Variants in ARID4B observed in about 807,000 individuals in gnomAD.
The protein encoded by ARID4B is AT-rich interaction domain 4B, also known as AT-rich interactive domain-containing protein 4B.
In ARID4B, 26 loss-of-function variants were observed where a neutral mutation model predicts 147.5. That is an observed-to-expected ratio of 0.18 (90% CI 0.13 to 0.24). The LOEUF (loss-of-function observed/expected upper bound fraction) is 0.24, where lower values mean the gene tolerates loss of function less well. Among genes scored for constraint, ARID4B ranks in the 10% least tolerant of loss-of-function variants. The probability of loss-of-function intolerance (pLI) is 1.00; values close to 1 mark genes in which losing one functional copy is unlikely to be tolerated. For synonymous variants in ARID4B, 512 were observed against 507.9 expected, an observed-to-expected ratio of 1.01 and a Z score of -0.11; for missense variants, 1,179 against 1,511.5, an observed-to-expected ratio of 0.78 and a Z score of 3.65.
rs746115230 is a variant in ARID4B at position 235,224,732 on chromosome 1, T to C, written c.941A>G (p.Gln314Arg). 6.3e-7 allele frequency: 1 copy of C among 1,598,762 alleles called. No individual in the cohort carries two copies. Among genetic ancestry groups the C allele is most frequent in the South Asian group, 1.1e-5 (1 of 89,306 alleles). The change falls in exon 12 of 24, where the codon CAG becomes CGG. Residue 314 changes from glutamine to arginine, a missense_variant. By Grantham distance (43) the Gln-to-Arg change is conservative (BLOSUM62 1). Transcript: ENST00000264183. ...PFPEERENFL[Q>R]QLYKFMEDRG... ...ATCTTCCATAAATTTGTACAATTGC[T>C]GAAGAAAGTTCTCCCTTTCTTCTGG...
intron 2 of ARID4B, among the ~76,000 whole-genome samples, chr1:235,291,994 T>C (rs1672369461): frequency 6.6e-6 from 1 of 152,198 alleles, no homozygotes; most frequent in Admixed American, 6.5e-5. Context: ...AGGTAAAAGG[T>C]AGGATGAAAG....
intron 6 of ARID4B, among the ~76,000 whole-genome samples, chr1:235,250,864 A>G (rs1017196277): frequency 1.4e-4 from 21 of 152,192 alleles, no homozygotes; most frequent in African/African-American, 5.1e-4. Flanking sequence ...ATTCCAACTG[A>G]AAATTCTCCT....
At chr1:235,263,027 A>G (rs1042108902) in intron 2 of ARID4B, among the ~76,000 whole-genome samples, 2 of 152,178 alleles carry the variant, frequency 1.3e-5, no homozygotes, top group African/African-American at 4.8e-5. Flanking sequence ...TTGTGGTTCA[A>G]TTGGTACTGG....
intron 2 of ARID4B, among the ~76,000 whole-genome samples, chr1:235,324,323 A>G: frequency 6.6e-6 from 1 of 152,212 alleles, no homozygotes; most frequent in East Asian, 1.9e-4. Flanking sequence ...CATATTCCTC[A>G]AAAACATACT....
At chr1:235,238,479 T>C (rs1668767231) in intron 8 of ARID4B, among the ~76,000 whole-genome samples, 1 of 152,162 alleles carries the variant, frequency 6.6e-6, no homozygotes, top group African/African-American at 2.4e-5. Context: ...AACGTGAGAA[T>C]AGTACTTTCA....
intron 17 of ARID4B, among the ~76,000 whole-genome samples, chr1:235,198,184 T>C (rs1188730399): frequency 6.6e-6 from 1 of 152,246 alleles, no homozygotes; most frequent in Admixed American, 6.5e-5. Context: ...GTTATAATCA[T>C]GTTCTACCTT....
At position 235,208,991 on chromosome 1, in the gene ARID4B, CTG is replaced by C. The variant is rs893788819; in HGVS notation, c.1841+4776_1841+4777del. Reference sequence around the variant, plus strand: ...ATACTGTCACTGCATCAGAAAAATTCTGTAAGAGTATTATAATATTTGTGGTT... The same window carrying C: ...ATACTGTCACTGCATCAGAAAAATTCTAAGAGTATTATAATATTTGTGGTT... On this transcript the variant is annotated intron_variant, in intron 17 of 23. Coordinates refer to ENST00000264183, the MANE Select transcript of ARID4B (RefSeq NM_016374.6). 2.1e-4 allele frequency among the ~76,000 whole-genome samples: 32 copies of C among 152,210 alleles called. No homozygotes were observed. In the South Asian group the frequency reaches 5.8e-3, roughly 28 times the overall value.
At position 235,167,806 on chromosome 1, in the gene ARID4B, C is replaced by T. The variant is rs1489506358; in HGVS notation, c.*719G>A. ...CAGTTTATTAGCCATTTTCTTTTTTCACACAATGTATATCAAAATTAAAAA... is the reference window on the plus strand; with the variant it reads ...CAGTTTATTAGCCATTTTCTTTTTTTACACAATGTATATCAAAATTAAAAA... On this transcript the variant is annotated 3_prime_UTR_variant, in exon 24 of 24. Coordinates refer to ENST00000264183, the MANE Select transcript of ARID4B (RefSeq NM_016374.6). 1.5e-5 allele frequency: 3 copies of T among 194,134 alleles called. No individual in the cohort carries two copies. Among genetic ancestry groups the T allele is most frequent in the East Asian group, 1.6e-4 (2 of 12,180 alleles). The allele number at this position is 194,134 out of a possible 1,614,324, so 12.0% of individuals were successfully genotyped here.
At chr1:235,225,738 T>A (rs1667786184) in intron 11 of ARID4B, among the ~76,000 whole-genome samples, 1 of 152,158 alleles carries the variant, frequency 6.6e-6, no homozygotes, top group African/African-American at 2.4e-5. Flanking sequence ...TCTAAATAAA[T>A]AAAAACATAG....
At chr1:235,256,420 G>C (rs1297755204) in intron 4 of ARID4B, among the ~76,000 whole-genome samples, 1 of 152,118 alleles carries the variant, frequency 6.6e-6, no homozygotes. Context: ...ACCTCAGGAA[G>C]GATAGGGACA....
rs187290548 is a variant in ARID4B, at chr1:235,219,742, A to G, written c.1583+51T>C. 2.0e-5 allele frequency: 28 copies of G among 1,411,480 alleles called. No individual in the cohort carries two copies. The Middle Eastern group carries it at 5.3e-4, about 27-fold the overall frequency. 87.4% of individuals were successfully genotyped at this position (1,411,480 alleles called of 1,614,324 possible). A position where few individuals can be genotyped will look rare whatever the true frequency, so the allele number is the denominator to read the frequency against. On this transcript the variant is annotated intron_variant, in intron 16 of 23. Transcript: ENST00000264183. ...CATAAACACATACAAAGAGCAAATG[A>G]TAAGAATCCATCAAGCTGAAATGCA...
intron 3 of ARID4B, among the ~76,000 whole-genome samples, chr1:235,258,967 T>C (rs1291547146): frequency 6.6e-6 from 1 of 152,196 alleles, no homozygotes; most frequent in Non-Finnish European, 1.5e-5. Context: ...CTTTGAATCA[T>C]AAAGAAATTA....
intron 2 of ARID4B, among the ~76,000 whole-genome samples, chr1:235,282,874 G>A (rs1380491841): frequency 6.6e-6 from 1 of 152,090 alleles, no homozygotes; most frequent in Non-Finnish European, 1.5e-5. Context: ...TCCGCCTACC[G>A]GGTTCACGCC....
At chr1:235,221,449 C>G (rs1229252214) in intron 14 of ARID4B, 116 bp downstream of exon 14, 4 of 586,814 alleles carry the variant, frequency 6.8e-6, no homozygotes, top group East Asian at 5.6e-5. Flanking sequence ...AATGACTACT[C>G]TAGTAAAATG....
At chr1:235,187,490 G>C (rs887584809) in intron 19 of ARID4B, among the ~76,000 whole-genome samples, 3 of 152,164 alleles carry the variant, frequency 2.0e-5, no homozygotes, top group Non-Finnish European at 4.4e-5. Context: ...TTTATTAACT[G>C]ATAGGCTTTA....
At chr1:235,187,155 C>G (rs1393670410) in intron 19 of ARID4B, 1 of 308,838 alleles carries the variant, frequency 3.2e-6, no homozygotes, top group African/African-American at 2.4e-5. Flanking sequence ...GATCTCAGCT[C>G]ACCGCAACCT....
intron 2 of ARID4B, among the ~76,000 whole-genome samples, chr1:235,313,319 C>A (rs1465514527): frequency 1.3e-5 from 2 of 150,716 alleles, no homozygotes; most frequent in South Asian, 4.4e-4. Flanking sequence ...CATGACCCAC[C>A]GTGCATGCCT....
At position 235,181,976 on chromosome 1, in the gene ARID4B, A is replaced by G. The variant is rs770957325; in HGVS notation, c.2943T>C (p.Ser981=). 1.2e-6 allele frequency: 2 copies of G among 1,614,082 alleles called. No individual in the cohort carries two copies. The highest frequency in any genetic ancestry group is 1.7e-6 in the Non-Finnish European group (2 of 1,180,022). ...CTGGAGGTGGTTTTTCTAGTTCTACACTGGGTGAACAACTCTCCTCTTCAG... is the reference window on the plus strand; with the variant it reads ...CTGGAGGTGGTTTTTCTAGTTCTACGCTGGGTGAACAACTCTCCTCTTCAG... ...TVAEEESCSP[S]VELEKPPPVN... Residue 981 remains serine, a synonymous_variant, in exon 20 of 24, where the codon AGT becomes AGC. Coordinates refer to ENST00000264183, the MANE Select transcript of ARID4B (RefSeq NM_016374.6).
chr1:235,182,452 C>A lies in ARID4B; in HGVS notation c.2467G>T (p.Gly823Cys). The A allele has an allele frequency of 1.2e-6, 2 of 1,611,528 alleles. No homozygotes were observed. Among genetic ancestry groups the A allele is most frequent in the Non-Finnish European group, 1.7e-6 (2 of 1,179,508 alleles). The change falls in exon 20 of 24, where the codon GGT becomes TGT. Residue 823 changes from glycine (G) to cysteine (C), a missense_variant. This residue lies in a region of ARID4B where 321 missense variants were observed against 342.4 expected (regional missense o/e 0.94). Transcript: ENST00000264183. ...DKSSKPQIKR[G>C]KRRYCNTEEC... ...TCTGTATTGCAATACCTTCTTTTAC[C>A]ACGTTTTATTTGTGGTTTTGAAGAT...
Sources: gnomAD v4.1 joint callset for allele counts (sites outside exome capture counted in the v4.1 genomes callset) on GRCh38, gnomAD v4.1.1 for gene constraint, gnomAD v4.1.1 regional missense constraint, MANE v1.5 for transcripts, NCBI Gene and HGNC (gene_info 2026-07-23, HGNC 2026-07-21) for gene names.